The following MDGA2 variants were observed in gnomAD, a reference collection of about 807,000 sequenced individuals.
The protein encoded by MDGA2 is MAM domain containing glycosylphosphatidylinositol anchor 2.
MDGA2 carries 40 observed loss-of-function variants against 117.8 expected under a neutral mutation model. The ratio of observed to expected loss-of-function variants is 0.34; its 90% CI spans 0.26 to 0.44. The LOEUF (loss-of-function observed/expected upper bound fraction) is 0.44, where lower values mean the gene tolerates loss of function less well. Among genes scored for constraint, MDGA2 ranks in the 20% least tolerant of loss-of-function variants. The probability of loss-of-function intolerance (pLI) is 1.00; values close to 1 mark genes in which losing one functional copy is unlikely to be tolerated. For synonymous variants in MDGA2, 452 were observed against 439.0 expected, an observed-to-expected ratio of 1.03 and a Z score of -0.37; for missense variants, 1,123 against 1,250.6, an observed-to-expected ratio of 0.90 and a Z score of 1.54.
At chr14:46,906,271 A>C (rs1352543476) in intron 10 of MDGA2, among the ~76,000 whole-genome samples, 2 of 151,702 alleles carry the variant, frequency 1.3e-5, no homozygotes, top group Non-Finnish European at 2.9e-5. Context: ...TCTTAAAATG[A>C]GATGAGTCCT....
At chr14:47,502,049 G>A (rs1894409951) in intron 1 of MDGA2, among the ~76,000 whole-genome samples, 1 of 152,082 alleles carries the variant, frequency 6.6e-6, no homozygotes, top group Non-Finnish European at 1.5e-5. Context: ...AATTACTGGA[G>A]TTATGGATAC....
intron 1 of MDGA2, among the ~76,000 whole-genome samples, chr14:47,462,106 G>A (rs991370934): frequency 2.6e-5 from 4 of 152,088 alleles, no homozygotes; most frequent in Admixed American, 1.3e-4. Flanking sequence ...TTGCAAGCGC[G>A]GTGGCTCACG....
chr14:47,226,271 T>C (rs1376495491), intron 2 of MDGA2, among the ~76,000 whole-genome samples: 1 of 144,760 alleles, frequency 6.9e-6, no homozygotes, highest in Non-Finnish European at 1.5e-5. Flanking sequence ...ATGGGAGGAG[T>C]CTGAAGAACA....
At chr14:47,352,953 GAA>G in intron 1 of MDGA2, among the ~76,000 whole-genome samples, 1 of 152,256 alleles carries the variant, frequency 6.6e-6, no homozygotes, top group East Asian at 1.9e-4. Context: ...CACTGCAAAA[GAA>G]AAAGAATATT....
chr14:47,146,127 T>C (rs1313050119), intron 3 of MDGA2, among the ~76,000 whole-genome samples: 1 of 152,182 alleles, frequency 6.6e-6, no homozygotes, highest in Non-Finnish European at 1.5e-5. Context: ...TGTGTTAACA[T>C]AATAAAATGC....
At chr14:47,544,050 G>C (rs753199247) in intron 1 of MDGA2, among the ~76,000 whole-genome samples, 2 of 152,068 alleles carry the variant, frequency 1.3e-5, no homozygotes, top group African/African-American at 2.4e-5. Context: ...CTTTGAGAAC[G>C]GGTCTTATAA....
intron 1 of MDGA2, among the ~76,000 whole-genome samples, chr14:47,501,933 G>A (rs1005573678): frequency 8.6e-5 from 13 of 151,910 alleles, no homozygotes; most frequent in Non-Finnish European, 1.3e-4. Flanking sequence ...TATATTAGTT[G>A]GAAATACATT....
At chr14:47,573,456 T>TGTCA (rs1393893627) in intron 1 of MDGA2, among the ~76,000 whole-genome samples, 12 of 152,200 alleles carry the variant, frequency 7.9e-5, no homozygotes, top group African/African-American at 2.9e-4. Flanking sequence ...GCCATATCAC[T>TGTCA]AGACAGCACG....
At chr14:47,576,998 G>T (rs1266272966) in intron 1 of MDGA2, among the ~76,000 whole-genome samples, 3 of 152,028 alleles carry the variant, frequency 2.0e-5, no homozygotes, top group Admixed American at 6.6e-5. Flanking sequence ...CAACCCTCTT[G>T]CCTCTGCCTC....
intron 1 of MDGA2, among the ~76,000 whole-genome samples, chr14:47,655,987 A>C (rs1376096065): frequency 1.3e-5 from 2 of 152,200 alleles, no homozygotes; most frequent in African/African-American, 4.8e-5. Context: ...AATGTTAGCC[A>C]CTGAAGGTTT....
intron 1 of MDGA2, among the ~76,000 whole-genome samples, chr14:47,309,120 A>C (rs1889553388): frequency 6.6e-6 from 1 of 152,174 alleles, no homozygotes. Context: ...TAATTTCTTC[A>C]AAAAATGGTT....
chr14:47,537,546 C>T (rs1895240935), intron 1 of MDGA2, among the ~76,000 whole-genome samples: 1 of 119,156 alleles, frequency 8.4e-6, no homozygotes, highest in African/African-American at 3.3e-5. Context: ...CCCAGGGCTG[C>T]TATTATCCAC....
At chr14:47,226,074 G>A (rs1319187321) in intron 2 of MDGA2, among the ~76,000 whole-genome samples, 3 of 151,928 alleles carry the variant, frequency 2.0e-5, no homozygotes, top group African/African-American at 7.3e-5. Flanking sequence ...AGGATGGATT[G>A]AAGCCAGGAG....
intron 8 of MDGA2, among the ~76,000 whole-genome samples, chr14:46,979,129 C>G (rs1236808188): frequency 6.6e-6 from 1 of 152,016 alleles, no homozygotes; most frequent in African/African-American, 2.4e-5. Flanking sequence ...CCAACTTTTT[C>G]TTTATTATTA....
chr14:47,274,630 T>A (rs764682408), intron 2 of MDGA2, among the ~76,000 whole-genome samples: 3 of 152,142 alleles, frequency 2.0e-5, no homozygotes, highest in Admixed American at 6.6e-5. Flanking sequence ...TAACTATGTT[T>A]AGCTTTTTGA....
chr14:47,139,239 C>T (rs985370673), intron 4 of MDGA2, among the ~76,000 whole-genome samples: 35 of 152,180 alleles, frequency 2.3e-4, no homozygotes, highest in African/African-American at 8.4e-4. Flanking sequence ...TTCCCAGCTT[C>T]ACAGTTCCCT....
intron 9 of MDGA2, among the ~76,000 whole-genome samples, 165 bp from the exon 10 acceptor site, chr14:46,920,325 T>C (rs1394820615): frequency 6.6e-6 from 1 of 152,192 alleles, no homozygotes; most frequent in Admixed American, 6.5e-5. Flanking sequence ...GATTTCCTGG[T>C]TGATTGGATG....
At chr14:47,281,825 G>T (rs564182721) in intron 2 of MDGA2, among the ~76,000 whole-genome samples, 1 of 152,098 alleles carries the variant, frequency 6.6e-6, no homozygotes, top group African/African-American at 2.4e-5. Context: ...GGGAGACCGA[G>T]GTGAGCCGAT....
intron 1 of MDGA2, among the ~76,000 whole-genome samples, chr14:47,582,252 C>G (rs548135176): frequency 6.6e-6 from 1 of 152,016 alleles, no homozygotes; most frequent in Admixed American, 6.6e-5. Context: ...AAGGAATGCT[C>G]TTCCAACGGC....
Sources: gnomAD v4.1 joint callset for allele counts (sites outside exome capture counted in the v4.1 genomes callset) on GRCh38, gnomAD v4.1.1 for gene constraint, MANE v1.5 for transcripts, NCBI Gene and HGNC (gene_info 2026-07-23, HGNC 2026-07-21) for gene names.